Variants in DPP6 observed in about 807,000 individuals in gnomAD.
The protein encoded by DPP6 is A-type potassium channel modulatory protein DPP6.
A neutral mutation model predicts 122.6 loss-of-function variants in DPP6; 69 were observed. That is an observed-to-expected ratio of 0.56 (90% CI 0.46 to 0.69). DPP6 has a LOEUF of 0.69. Among genes scored for constraint, DPP6 ranks in the 30% least tolerant of loss-of-function variants. DPP6 has a pLI of 0.00. For synonymous variants in DPP6, 418 were observed against 433.1 expected (o/e 0.97, Z 0.43); for missense variants, 928 against 1,116.9 (o/e 0.83, Z 2.41).
intron 1 of DPP6, among the ~76,000 whole-genome samples, chr7:154,420,865 A>G (rs1314165832): frequency 1.3e-5 from 2 of 152,218 alleles, no homozygotes; most frequent in Non-Finnish European, 2.9e-5. Context: ...ATGCAAAATG[A>G]GTAAGTTCTA....
chr7:154,603,500 C>A (rs1420254761), intron 5 of DPP6, among the ~76,000 whole-genome samples: 1 of 114,610 alleles, frequency 8.7e-6, no homozygotes, highest in African/African-American at 2.7e-5. Flanking sequence ...AACCCCATCT[C>A]TACTAAAAAT....
chr7:153,875,383 T>C, the DPP6 span, among the ~76,000 whole-genome samples: 2 of 151,882 alleles, frequency 1.3e-5, no homozygotes, highest in Admixed American at 1.3e-4. Context: ...AAAAACATAA[T>C]CACAGATGAA....
intron 1 of DPP6, among the ~76,000 whole-genome samples, chr7:153,954,892 G>C (rs115291289): frequency 6.7e-6 from 1 of 150,302 alleles, no homozygotes; most frequent in Non-Finnish European, 1.5e-5. Context: ...TCTTGGTTCT[G>C]TTCTTGGGAG....
the DPP6 span, among the ~76,000 whole-genome samples, chr7:153,812,258 C>T: frequency 5.3e-5 from 8 of 152,026 alleles, no homozygotes; most frequent in East Asian, 3.9e-4. Context: ...TGTTTGTCTA[C>T]GCTCACCTTT....
At chr7:154,343,585 T>C (rs1810115115) in intron 1 of DPP6, among the ~76,000 whole-genome samples, 1 of 152,196 alleles carries the variant, frequency 6.6e-6, no homozygotes, top group Admixed American at 6.5e-5. Flanking sequence ...GTTTTTGTTT[T>C]AGTTTTTGTT....
rs549670768 is a variant in DPP6, at chr7:154,372,911, C to T, written c.244-73303C>T. Among the ~76,000 whole-genome samples, 15 of 152,288 alleles carry T rather than the reference C, an allele frequency of 9.8e-5. No individual in the cohort carries two copies. In the South Asian group the frequency reaches 3.1e-3, roughly 32 times the overall value. ...CCCACCACCCAGGCTGAGGCCTTTG[C>T]AGACAGAAATCAAACCTACCTGGAT... On this transcript the variant is annotated intron_variant, in intron 1 of 25. Transcript: ENST00000377770.
At chr7:154,342,809 A>G (rs1411802457) in intron 1 of DPP6, among the ~76,000 whole-genome samples, 3 of 152,216 alleles carry the variant, frequency 2.0e-5, no homozygotes, top group African/African-American at 7.2e-5. Context: ...ACTTCCTAAA[A>G]GTTAAAGGTA....
At chr7:154,555,375 C>G (rs939054418) in intron 4 of DPP6, among the ~76,000 whole-genome samples, 36 of 151,906 alleles carry the variant, frequency 2.4e-4, no homozygotes, top group Non-Finnish European at 3.7e-4. Context: ...GACAAAAAAC[C>G]AAACACCACA....
At chr7:154,120,051 G>T (rs1585416770) in intron 1 of DPP6, among the ~76,000 whole-genome samples, 1 of 152,260 alleles carries the variant, frequency 6.6e-6, no homozygotes, top group East Asian at 1.9e-4. Flanking sequence ...GTAAAAGGTT[G>T]TTACTCTATA....
chr7:154,398,571 A>C (rs1161460655), intron 1 of DPP6, among the ~76,000 whole-genome samples: 1 of 152,060 alleles, frequency 6.6e-6, no homozygotes, highest in Non-Finnish European at 1.5e-5. Context: ...TTTTATGGTC[A>C]TATTTTTTTC....
the DPP6 span, among the ~76,000 whole-genome samples, chr7:153,766,603 A>C: frequency 1.3e-5 from 2 of 152,180 alleles, no homozygotes; most frequent in Admixed American, 1.3e-4. Flanking sequence ...TAAAGAATCC[A>C]TGAGTTTTTT....
In DPP6 at chr7:154,131,988, T is replaced by C. The variant is rs190683614; in HGVS notation, c.243+78925T>C. On this transcript the variant is annotated intron_variant, in intron 1 of 25. Transcript: ENST00000377770. ...CACACAACTTTTTCCTCCCAATAAA[T>C]AAAACGATATTTTTGAGGGACAAAT... 4.6e-5 allele frequency among the ~76,000 whole-genome samples: 7 copies of C among 152,356 alleles called. No individual in the cohort carries two copies. The East Asian group carries it at 1.3e-3, about 29-fold the overall frequency.
chr7:154,871,899 G>C (rs1804430659), intron 18 of DPP6, among the ~76,000 whole-genome samples: 1 of 152,224 alleles, frequency 6.6e-6, no homozygotes, highest in South Asian at 2.1e-4. Context: ...AAGGTAGGGG[G>C]CACAGAAGAA....
At chr7:154,185,557 T>C (rs1228566148) in intron 1 of DPP6, among the ~76,000 whole-genome samples, 1 of 152,170 alleles carries the variant, frequency 6.6e-6, no homozygotes, top group African/African-American at 2.4e-5. Context: ...GTTTCCATCT[T>C]GGTTGAACAT....
intron 3 of DPP6, among the ~76,000 whole-genome samples, chr7:154,523,252 T>C (rs1827145166): frequency 6.6e-6 from 1 of 152,222 alleles, no homozygotes; most frequent in South Asian, 2.1e-4. Context: ...TCTTACCCTA[T>C]ACTGTACTCT....
chr7:154,134,380 G>A (rs902723421), intron 1 of DPP6, among the ~76,000 whole-genome samples: 1 of 152,138 alleles, frequency 6.6e-6, no homozygotes, highest in African/African-American at 2.4e-5. Context: ...TGTACAGGGA[G>A]GTGTGGAGTT....
the DPP6 span, among the ~76,000 whole-genome samples, chr7:153,843,285 C>T: frequency 6.6e-6 from 1 of 152,030 alleles, no homozygotes; most frequent in Non-Finnish European, 1.5e-5. Flanking sequence ...CGCGCGCACA[C>T]ACACACACAC....
chr7:153,979,430 C>T lies in DPP6; in HGVS notation c.51+91696C>T, dbSNP rs1342811205. On this transcript the variant is annotated intron_variant, in intron 1 of 25. Transcript: ENST00000404039. ...AGACTTTGCTGAAGTTGCTTATCAG[C>T]TTAAGGAGTTTTTGGGCTGAGGCAA... 3.3e-5 allele frequency among the ~76,000 whole-genome samples: 5 copies of T among 152,362 alleles called. No individual in the cohort carries two copies. In the East Asian group the frequency reaches 9.6e-4, roughly 29 times the overall value.
intron 5 of DPP6, among the ~76,000 whole-genome samples, chr7:154,614,309 G>T (rs1053259519): frequency 6.6e-6 from 1 of 152,190 alleles, no homozygotes; most frequent in African/African-American, 2.4e-5. Flanking sequence ...GGAGGAGTTA[G>T]AGGCTATTTT....
Sources: allele counts gnomAD v4.1 joint callset (sites outside exome capture counted in the v4.1 genomes callset), GRCh38; gene constraint gnomAD v4.1.1; transcripts MANE v1.5; gene names NCBI Gene and HGNC (gene_info 2026-07-23, HGNC 2026-07-21).